The following CSMD1 variants were observed in gnomAD, a reference collection of about 807,000 sequenced individuals.
CSMD1 encodes CUB and sushi domain-containing protein 1.
In CSMD1, 213 loss-of-function variants were observed where a neutral mutation model predicts 417.5. The ratio of observed to expected loss-of-function variants is 0.51; its 90% CI spans 0.46 to 0.57. The LOEUF is 0.57. Ranked by LOEUF, CSMD1 falls within the 20% of genes least tolerant of loss-of-function variation. CSMD1 has a pLI of 0.00. For synonymous variants in CSMD1, 2,862 were observed against 1,736.8 expected, an observed-to-expected ratio of 1.65 and a Z score of -16.11; for missense variants, 6,923 against 4,529.7, an observed-to-expected ratio of 1.53 and a Z score of -15.17.
chr8:4,840,536 CT>C (rs1381930353), intron 1 of CSMD1, among the ~76,000 whole-genome samples: 1 of 152,104 alleles, frequency 6.6e-6, no homozygotes, highest in Non-Finnish European at 1.5e-5. Flanking sequence ...GAAGGAGCAG[CT>C]TTCAAAATAA....
chr8:3,803,523 G>T (rs1585023004), intron 5 of CSMD1, among the ~76,000 whole-genome samples: 3 of 152,178 alleles, frequency 2.0e-5, no homozygotes, highest in Admixed American at 2.0e-4. Context: ...AAACCCAGGG[G>T]CTGGGCCCAG....
At chr8:4,842,470 T>A (rs1800900177) in intron 1 of CSMD1, among the ~76,000 whole-genome samples, 1 of 152,170 alleles carries the variant, frequency 6.6e-6, no homozygotes, top group Non-Finnish European at 1.5e-5. Context: ...CTTTCATGAG[T>A]TGTCAGATGC....
chr8:2,961,934 T>C (rs956129219), intron 61 of CSMD1, among the ~76,000 whole-genome samples: 1 of 152,198 alleles, frequency 6.6e-6, no homozygotes, highest in African/African-American at 2.4e-5. Context: ...TCAATGACAA[T>C]ATTTCTTTAA....
chr8:3,982,574 G>C (rs865994664), intron 5 of CSMD1, among the ~76,000 whole-genome samples: 21 of 151,848 alleles, frequency 1.4e-4, no homozygotes, highest in Middle Eastern at 3.4e-3. Context: ...TATGCGCCTA[G>C]TCATTTAGAA....
intron 3 of CSMD1, among the ~76,000 whole-genome samples, chr8:4,275,969 C>T (rs886906762): frequency 1.3e-5 from 2 of 152,174 alleles, no homozygotes; most frequent in Non-Finnish European, 2.9e-5. Flanking sequence ...AGTCAGGAAA[C>T]AGCAGATGCT....
chr8:3,952,652 T>C lies in CSMD1; in HGVS notation c.818+45251A>G, dbSNP rs113595151. Among the ~76,000 whole-genome samples the C allele has an allele frequency of 5.9e-3, 901 of 152,270 alleles. 8 individuals carry two copies. The highest frequency in any genetic ancestry group is 0.02 in the African/African-American group (822 of 41,554). ...GGGTAGAGCTGTTTTCCTGGGGTGA[T>C]TACAGATTCTGAAATCAAAGAGATA... On this transcript the variant is annotated intron_variant, in intron 5 of 69. Transcript: ENST00000635120.
chr8:3,981,924 C>T (rs1002590784), intron 5 of CSMD1, among the ~76,000 whole-genome samples: 1 of 152,074 alleles, frequency 6.6e-6, no homozygotes, highest in Non-Finnish European at 1.5e-5. Context: ...GTAATCCCGG[C>T]ACTTTGGGAG....
chr8:3,435,654 C>T (rs1814512084), intron 12 of CSMD1, among the ~76,000 whole-genome samples: 1 of 152,162 alleles, frequency 6.6e-6, no homozygotes, highest in Non-Finnish European at 1.5e-5. Flanking sequence ...CTCCTCTCAC[C>T]TGCACGGTGC....
chr8:4,216,260 C>T (rs1473455288), intron 3 of CSMD1, among the ~76,000 whole-genome samples: 3 of 152,218 alleles, frequency 2.0e-5, no homozygotes, highest in South Asian at 4.2e-4. Flanking sequence ...AATCCTTTCA[C>T]TCTACGAGAC....
intron 2 of CSMD1, among the ~76,000 whole-genome samples, chr8:4,535,626 C>A (rs1197615329): frequency 6.6e-6 from 1 of 152,114 alleles, no homozygotes; most frequent in Non-Finnish European, 1.5e-5. Flanking sequence ...TAATATAGTT[C>A]CAAATCATTC....
intron 1 of CSMD1, among the ~76,000 whole-genome samples, chr8:4,694,445 G>A (rs549994726): frequency 1.3e-4 from 19 of 151,810 alleles, no homozygotes; most frequent in African/African-American, 4.6e-4. Flanking sequence ...CCTGCCTCCC[G>A]GATTCAAGCG....
At chr8:3,158,225 C>T (rs180867035) in intron 38 of CSMD1, among the ~76,000 whole-genome samples, 1,589 of 152,206 alleles carry the variant, frequency 0.01, 9 homozygotes, top group Non-Finnish European at 0.017. Flanking sequence ...GACCATAATT[C>T]GACTCAGCTC....
chr8:2,953,515 A>G (rs2128920915), intron 65 of CSMD1, among the ~76,000 whole-genome samples: 1 of 151,912 alleles, frequency 6.6e-6, no homozygotes, highest in South Asian at 2.1e-4. Flanking sequence ...GTGATCTTAT[A>G]TATTTACAAA....
chr8:3,997,299 G>C (rs1391041999), intron 5 of CSMD1, among the ~76,000 whole-genome samples: 3 of 152,120 alleles, frequency 2.0e-5, no homozygotes, highest in Non-Finnish European at 4.4e-5. Context: ...TCCTAAATAG[G>C]CGGTACTTCA....
intron 2 of CSMD1, among the ~76,000 whole-genome samples, chr8:4,508,492 T>C (rs943126674): frequency 6.6e-6 from 1 of 152,230 alleles, no homozygotes; most frequent in African/African-American, 2.4e-5. Context: ...AGTAGTATTT[T>C]CTTTCTTTTT....
chr8:4,875,012 T>C (rs915276391), intron 1 of CSMD1, among the ~76,000 whole-genome samples: 3 of 151,862 alleles, frequency 2.0e-5, no homozygotes, highest in Admixed American at 6.6e-5. Flanking sequence ...TTTTCTTCCT[T>C]TTCTCCCTTC....
chr8:4,667,969 A>G (rs867511445), intron 1 of CSMD1, among the ~76,000 whole-genome samples: 5 of 152,320 alleles, frequency 3.3e-5, no homozygotes, highest in Admixed American at 2.0e-4. Context: ...CTGCCATTGC[A>G]TTTGTTAAAA....
At chr8:4,273,173 T>C (rs1255447941) in intron 3 of CSMD1, among the ~76,000 whole-genome samples, 2 of 152,116 alleles carry the variant, frequency 1.3e-5, no homozygotes, top group South Asian at 2.1e-4. Context: ...TTAAAAGAGA[T>C]TTGGATAACT....
intron 55 of CSMD1, among the ~76,000 whole-genome samples, chr8:2,977,425 C>T (rs765131097): frequency 2.6e-5 from 4 of 152,198 alleles, no homozygotes; most frequent in Non-Finnish European, 5.9e-5. Flanking sequence ...CTGCAAAGGA[C>T]ATAATCTCAT....
Sources: gnomAD v4.1 joint callset for allele counts (sites outside exome capture counted in the v4.1 genomes callset) on GRCh38, gnomAD v4.1.1 for gene constraint, MANE v1.5 for transcripts, NCBI Gene and HGNC (gene_info 2026-07-23, HGNC 2026-07-21) for gene names.